FSD2: variants seen among roughly 807,000 people sequenced by gnomAD.
The protein encoded by FSD2 is fibronectin type III and SPRY domain containing 2, also known as fibronectin type III and SPRY domain-containing protein 2.
Under a neutral mutation model 80.4 loss-of-function variants are expected in FSD2, and 71 were observed. The observed-to-expected ratio is 0.88, with a 90% CI of 0.73 to 1.08. The LOEUF (loss-of-function observed/expected upper bound fraction) is 1.08, where lower values mean the gene tolerates loss of function less well. Ranked by LOEUF, FSD2 falls within the 50% of genes least tolerant of loss-of-function variation. The pLI is 0.00. For synonymous variants in FSD2, 361 were observed against 329.5 expected (o/e 1.10, Z -1.03); for missense variants, 923 against 913.8 (o/e 1.01, Z -0.13).
intron 1 of FSD2, among the ~76,000 whole-genome samples, chr15:82,792,036 A>G (rs560177259): frequency 6.6e-6 from 1 of 152,286 alleles, no homozygotes; most frequent in South Asian, 2.1e-4. Context: ...CCTTTTGGCT[A>G]TTTTAAATAA....
chr15:82,759,430 T>C lies in FSD2; in HGVS notation c.2168A>G (p.His723Arg). 6.2e-7 allele frequency: 1 copy of C among 1,613,820 alleles called. No individual in the cohort carries two copies. Among genetic ancestry groups the C allele is most frequent in the South Asian group, 1.1e-5 (1 of 91,036 alleles). The change falls in exon 13 of 13, where the codon CAT (histidine) becomes CGT (arginine). Residue 723 changes from histidine to arginine, a missense_variant. Coordinates refer to ENST00000334574, the MANE Select transcript of FSD2 (RefSeq NM_001007122.4). ...AGGCTTTTCCAAAGAAAAACAGGGA[T>C]GCACAAATTCGTGAAGCTGACAACT... ...TFSCQLHEFV[H>R]PCFSLEKPGC...
intron 3 of FSD2, among the ~76,000 whole-genome samples, chr15:82,784,190 T>C (rs1414240379): frequency 6.6e-6 from 1 of 152,128 alleles, no homozygotes; most frequent in Non-Finnish European, 1.5e-5. Flanking sequence ...TGAAGGGACT[T>C]TGATCTGAGA....
At chr15:82,760,610 A>G (rs191643817) in intron 12 of FSD2, among the ~76,000 whole-genome samples, 143 of 152,220 alleles carry the variant, frequency 9.4e-4, no homozygotes, top group Admixed American at 3.5e-3. Flanking sequence ...CGTTTCTTCT[A>G]CTTTCTATGC....
chr15:82,798,048 A>C lies in FSD2; in HGVS notation c.-79+7918T>G, dbSNP rs537498133. Reference sequence around the variant, plus strand: ...ACAAAAGACTTTCCAAGCACAGAAAAATATTACAGGTCAGGTACAGTGGCT... The same window carrying C: ...ACAAAAGACTTTCCAAGCACAGAAACATATTACAGGTCAGGTACAGTGGCT... On this transcript the variant is annotated intron_variant, in intron 1 of 12. Transcript: ENST00000334574. Among the ~76,000 whole-genome samples the C allele has an allele frequency of 2.0e-5, 3 of 152,210 alleles. No homozygotes were observed. The South Asian group carries it at 6.2e-4, about 32-fold the overall frequency.
chr15:82,785,356 G>A (rs759645500), intron 3 of FSD2, among the ~76,000 whole-genome samples: 3 of 150,882 alleles, frequency 2.0e-5, no homozygotes, highest in Non-Finnish European at 4.4e-5. Context: ...ATGGAGTCTC[G>A]CTGTGTTGCC....
In FSD2 at chr15:82,759,306, A is replaced by C. The variant is rs767653784; in HGVS notation, c.*42T>G. ...CAGCTAAGGCGTGAGCAGCTGCGAG[A>C]GGGGTAGGCATGGAAGACAGGAAAC... On this transcript the variant is annotated 3_prime_UTR_variant, in exon 13 of 13. Transcript: ENST00000334574. 1 of 1,598,736 alleles carries C rather than the reference A, an allele frequency of 6.3e-7. No homozygotes were observed. The highest frequency in any genetic ancestry group is 1.7e-5 in the Admixed American group (1 of 58,122).
At chr15:82,788,533 A>G (rs969354647) in intron 1 of FSD2, among the ~76,000 whole-genome samples, 5 of 149,726 alleles carry the variant, frequency 3.3e-5, no homozygotes, top group Admixed American at 2.0e-4. Context: ...AAAAAGTGAC[A>G]GAACAAATAA....
intron 7 of FSD2, among the ~76,000 whole-genome samples, chr15:82,770,973 C>T (rs1473805148): frequency 6.6e-6 from 1 of 152,162 alleles, no homozygotes; most frequent in Non-Finnish European, 1.5e-5. Flanking sequence ...TTAATCAAGT[C>T]TGACTTCCTA....
In FSD2 at chr15:82,769,787, GC is replaced by G; in HGVS notation, c.1364del (p.Gly455AlafsTer12). On this transcript the variant is annotated frameshift_variant, in exon 8 of 13. Coordinates refer to ENST00000334574, the MANE Select transcript of FSD2 (RefSeq NM_001007122.4). LOFTEE classifies it high-confidence loss of function. ...EFWVTAHNRA[G>X]PSPSSERAVY... ...CTGCACGCTCGCTAGAGGGGCTGGG[GC>G]CAGCCCTGTTGTGAGCTGTGACCCA... The G allele has an allele frequency of 6.2e-7, 1 of 1,613,920 alleles. No homozygotes were observed. The highest frequency in any genetic ancestry group is 8.5e-7 in the Non-Finnish European group (1 of 1,179,860).
At chr15:82,794,685 C>T (rs1272456015) in intron 1 of FSD2, among the ~76,000 whole-genome samples, 1 of 150,328 alleles carries the variant, frequency 6.7e-6, no homozygotes, top group Non-Finnish European at 1.5e-5. Context: ...GGTGCATATA[C>T]ATATGTAATT....
In FSD2 at chr15:82,755,768, G is replaced by T; in HGVS notation, c.*3580C>A. ...GACAGAAAAGATGCTGACCAGCTGG[G>T]GTCTTCTTTCCAAATAACTTTTCTC... is the stretch of plus-strand genomic sequence containing the variant. On this transcript the variant is annotated 3_prime_UTR_variant, in exon 13 of 13. Coordinates refer to ENST00000334574, the MANE Select transcript of FSD2 (RefSeq NM_001007122.4). 4.4e-6 allele frequency: 1 copy of T among 225,256 alleles called. No individual in the cohort carries two copies. Among genetic ancestry groups the T allele is most frequent in the Non-Finnish European group, 9.3e-6 (1 of 107,840 alleles). The allele number at this position is 225,256 out of a possible 1,614,324, so 14.0% of individuals were successfully genotyped here. A position where few individuals can be genotyped will look rare whatever the true frequency, so the allele number is the denominator to read the frequency against.
chr15:82,779,494 G>A (rs1224067251), intron 5 of FSD2, among the ~76,000 whole-genome samples: 3 of 151,878 alleles, frequency 2.0e-5, no homozygotes, highest in East Asian at 1.9e-4. Flanking sequence ...GTGAAACTCC[G>A]TCTCTACTAA....
rs1849699480 is a variant in FSD2, at chr15:82,759,035, C to T, written c.*313G>A. ...TCGTCCTCTCCCAAGCTCTCTAGGT[C>T]TTGGAAACTCAAGATATTTTGCATA... is the stretch of plus-strand genomic sequence containing the variant. On this transcript the variant is annotated 3_prime_UTR_variant, in exon 13 of 13. Coordinates refer to ENST00000334574, the MANE Select transcript of FSD2 (RefSeq NM_001007122.4). The T allele has an allele frequency of 8.2e-5, 22 of 266,776 alleles. 1 individual carries two copies. The South Asian group carries it at 1.1e-3, about 14-fold the overall frequency. The allele number at this position is 266,776 out of a possible 1,614,324, so 16.5% of individuals were successfully genotyped here.
chr15:82,768,816 C>G, intron 9 of FSD2, 64 bp downstream of exon 9: 1 of 1,330,380 alleles, frequency 7.5e-7, no homozygotes, highest in East Asian at 2.8e-5. Context: ...CGTATACTTC[C>G]TAAGCCATGT....
chr15:82,772,086 C>T lies in FSD2; in HGVS notation c.1254G>A (p.Gly418=). The stretch of plus-strand genomic sequence containing the variant: ...GCAGAGCCTCACCTGCTTGGTCCGT[C>T]CCAGGTGAGCTGTCCTGCACTGGCC... ...SYRPVQDSSP[G]TDQAEFTVTV... is the part of the protein sequence containing the mutation. The change falls in exon 7 of 13, where the codon GGG becomes GGA. Residue 418 remains glycine, a synonymous_variant. Coordinates refer to ENST00000334574, the MANE Select transcript of FSD2 (RefSeq NM_001007122.4). 1.1e-5 allele frequency: 18 copies of T among 1,578,366 alleles called. No individual in the cohort carries two copies. The highest frequency in any genetic ancestry group is 5.9e-5 in the South Asian group (5 of 84,250).
chr15:82,755,981 T>C lies in FSD2; in HGVS notation c.*3367A>G. 1.9e-6 allele frequency: 1 copy of C among 517,268 alleles called. No individual in the cohort carries two copies. Among genetic ancestry groups the C allele is most frequent in the South Asian group, 1.4e-5 (1 of 71,176 alleles). The allele number at this position is 517,268 out of a possible 1,614,324, so 32.0% of individuals were successfully genotyped here. A position where few individuals can be genotyped will look rare whatever the true frequency, so the allele number is the denominator to read the frequency against. On this transcript the variant is annotated 3_prime_UTR_variant, in exon 13 of 13. Coordinates refer to ENST00000334574, the MANE Select transcript of FSD2 (RefSeq NM_001007122.4). ...GAAAATAGAGTCCTTGAAATCAAGC[T>C]GACTCTGCTTTTAGCCTCCTAAATG...
At chr15:82,794,117 A>G (rs2050207729) in intron 1 of FSD2, among the ~76,000 whole-genome samples, 1 of 151,958 alleles carries the variant, frequency 6.6e-6, no homozygotes, top group Non-Finnish European at 1.5e-5. Context: ...ATAGGCATTT[A>G]TAGCTATAAA....
intron 4 of FSD2, among the ~76,000 whole-genome samples, chr15:82,782,472 A>G (rs1206932397): frequency 1.3e-5 from 2 of 152,216 alleles, no homozygotes; most frequent in Admixed American, 1.3e-4. Context: ...TGCTCAGCTT[A>G]GCTCCAGGAT....
At chr15:82,778,153 TATATA>T (rs1356547664) in intron 6 of FSD2, among the ~76,000 whole-genome samples, 2 of 138,312 alleles carry the variant, frequency 1.4e-5, no homozygotes, top group African/African-American at 5.7e-5. Flanking sequence ...TATATATATA[TATATA>T]ATAACTATTA....
Sources: allele counts gnomAD v4.1 joint callset (sites outside exome capture counted in the v4.1 genomes callset), GRCh38; gene constraint gnomAD v4.1.1; transcripts MANE v1.5; gene names NCBI Gene and HGNC (gene_info 2026-07-23, HGNC 2026-07-21).